The following ROR2 variants were observed in gnomAD, a reference collection of about 807,000 sequenced individuals.
The protein encoded by ROR2 is tyrosine-protein kinase transmembrane receptor ROR2.
In ROR2, 33 loss-of-function variants were observed where a neutral mutation model predicts 74.9. The observed-to-expected ratio is 0.44, with a 90% CI of 0.33 to 0.59. The LOEUF (loss-of-function observed/expected upper bound fraction) is 0.59. ROR2 is among the 20% of genes least tolerant of loss of function. ROR2 has a pLI of 0.02. For missense variants in ROR2, 1,216 were observed against 1,313.8 expected, an observed-to-expected ratio of 0.93 and a Z score of 1.15; for synonymous variants, 586 against 558.7, an observed-to-expected ratio of 1.05 and a Z score of -0.69.
In ROR2 at chr9:91,755,327, A is replaced by G. The variant is rs551165850; in HGVS notation, c.494+744T>C. 8.5e-5 allele frequency among the ~76,000 whole-genome samples: 13 copies of G among 152,370 alleles called. No individual in the cohort carries two copies. The South Asian group carries it at 2.7e-3, about 32-fold the overall frequency. ...ACACTGCACACTTTACCAACCATAT[A>G]GTGTTCATGCTATTGTTCAGAACAT... On this transcript the variant is annotated intron_variant, in intron 4 of 8. Transcript: ENST00000375708.
intron 1 of ROR2, among the ~76,000 whole-genome samples, chr9:91,904,578 G>C (rs1182956270): frequency 6.6e-6 from 1 of 152,186 alleles, no homozygotes; most frequent in African/African-American, 2.4e-5. Flanking sequence ...GTGGAATCAG[G>C]CTTCAGGCCC....
At chr9:91,762,425 T>C (rs770983992) in intron 2 of ROR2, among the ~76,000 whole-genome samples, 6 of 152,240 alleles carry the variant, frequency 3.9e-5, no homozygotes, top group Admixed American at 6.5e-5. Flanking sequence ...AAAATTCATA[T>C]CTCCCATATC....
At chr9:91,899,764 C>G (rs1017454489) in intron 1 of ROR2, among the ~76,000 whole-genome samples, 13 of 152,146 alleles carry the variant, frequency 8.5e-5, no homozygotes, top group Non-Finnish European at 1.5e-5. Context: ...CACACACAAA[C>G]GTGTGCACAC....
At chr9:91,823,752 G>A (rs1218358480) in intron 1 of ROR2, among the ~76,000 whole-genome samples, 3 of 152,220 alleles carry the variant, frequency 2.0e-5, no homozygotes, top group Admixed American at 2.0e-4. Context: ...ATAATGAAAA[G>A]ACGGGAAGGA....
intron 1 of ROR2, among the ~76,000 whole-genome samples, chr9:91,833,436 G>A (rs1828526114): frequency 6.6e-6 from 1 of 152,078 alleles, no homozygotes; most frequent in Non-Finnish European, 1.5e-5. Context: ...TGGCGGCCAT[G>A]TCCTTTCAGG....
At chr9:91,900,351 G>A (rs540680569) in intron 1 of ROR2, among the ~76,000 whole-genome samples, 3 of 152,348 alleles carry the variant, frequency 2.0e-5, no homozygotes, top group Admixed American at 2.0e-4. Flanking sequence ...CGCACAAGAT[G>A]GTCAATGACA....
At chr9:91,844,766 A>T (rs1828874831) in intron 1 of ROR2, among the ~76,000 whole-genome samples, 3 of 152,118 alleles carry the variant, frequency 2.0e-5, no homozygotes, top group Non-Finnish European at 4.4e-5. Context: ...AAGCTGAATA[A>T]GTTCACGGGT....
At chr9:91,851,771 TC>T (rs1301449444) in intron 1 of ROR2, among the ~76,000 whole-genome samples, 1 of 152,064 alleles carries the variant, frequency 6.6e-6, no homozygotes, top group African/African-American at 2.4e-5. Context: ...GGTCAGTAGT[TC>T]CAGACCAGTG....
intron 1 of ROR2, among the ~76,000 whole-genome samples, chr9:91,801,125 C>T (rs1827362885): frequency 6.6e-6 from 1 of 152,028 alleles, no homozygotes; most frequent in East Asian, 1.9e-4. Context: ...GTAAAGAATT[C>T]AAAGCATGGA....
intron 1 of ROR2, among the ~76,000 whole-genome samples, chr9:91,925,647 G>C (rs1831378174): frequency 6.6e-6 from 1 of 152,130 alleles, no homozygotes; most frequent in Non-Finnish European, 1.5e-5. Flanking sequence ...TAAGTTTCTT[G>C]GATGGCAGAA....
chr9:91,760,138 T>G (rs1009365752), intron 2 of ROR2, among the ~76,000 whole-genome samples: 1 of 152,206 alleles, frequency 6.6e-6, no homozygotes, highest in Non-Finnish European at 1.5e-5. Context: ...AGGCCACTCC[T>G]CAGTGTTCTT....
At chr9:91,863,454 C>T (rs1829533024) in intron 1 of ROR2, among the ~76,000 whole-genome samples, 1 of 151,926 alleles carries the variant, frequency 6.6e-6, no homozygotes, top group Non-Finnish European at 1.5e-5. Flanking sequence ...TCCCCACTGT[C>T]TATAGATAGA....
At chr9:91,726,872 A>G in intron 7 of ROR2, 129 bp from the exon 8 acceptor site, 3 of 850,770 alleles carry the variant, frequency 3.5e-6, no homozygotes, top group South Asian at 1.4e-5. Context: ...AAGTTACACA[A>G]TGGGGTAAAA....
At chr9:91,831,270 CAA>C (rs113100972) in intron 1 of ROR2, among the ~76,000 whole-genome samples, 6 of 141,736 alleles carry the variant, frequency 4.2e-5, no homozygotes, top group Non-Finnish European at 9.4e-5. Flanking sequence ...CTCAAAAAAA[CAA>C]AAAAAAAAAA....
chr9:91,879,380 C>T (rs1830041841), intron 1 of ROR2, among the ~76,000 whole-genome samples: 1 of 152,068 alleles, frequency 6.6e-6, no homozygotes, highest in Non-Finnish European at 1.5e-5. Context: ...CTTCCTTTTT[C>T]CAAAGTTATC....
At position 91,863,415 on chromosome 9, in the gene ROR2, T is replaced by C. The variant is rs562981817; in HGVS notation, c.97+86452A>G. ...GTAGATAGGAACATTCACAGGAGCA[T>C]TATTCATAATAGCCAAAAAGTAAAA... On this transcript the variant is annotated intron_variant, in intron 1 of 8. Transcript: ENST00000375708. Among the ~76,000 whole-genome samples, 5 of 152,234 alleles carry C rather than the reference T, an allele frequency of 3.3e-5. No individual in the cohort carries two copies. The East Asian group carries it at 9.7e-4, about 29-fold the overall frequency.
At chr9:91,915,776 C>A (rs573719498) in intron 1 of ROR2, among the ~76,000 whole-genome samples, 1 of 152,188 alleles carries the variant, frequency 6.6e-6, no homozygotes, top group African/African-American at 2.4e-5. Flanking sequence ...ACTGAGCAGT[C>A]ATTGGCACAT....
chr9:91,812,579 C>CGT (rs1827797901), intron 1 of ROR2, among the ~76,000 whole-genome samples: 1 of 151,344 alleles, frequency 6.6e-6, no homozygotes, highest in African/African-American at 2.4e-5. Flanking sequence ...CCCACACACA[C>CGT]GTGTGTGTGG....
At chr9:91,934,259 G>GT (rs1831625153) in intron 1 of ROR2, among the ~76,000 whole-genome samples, 1 of 152,162 alleles carries the variant, frequency 6.6e-6, no homozygotes, top group Non-Finnish European at 1.5e-5. Flanking sequence ...TAAATACACT[G>GT]TTCTGATAGA....
Sources: gnomAD v4.1 joint callset for allele counts (sites outside exome capture counted in the v4.1 genomes callset) on GRCh38, gnomAD v4.1.1 for gene constraint, MANE v1.5 for transcripts, NCBI Gene and HGNC (gene_info 2026-07-23, HGNC 2026-07-21) for gene names.